PLPP3: variants seen among roughly 807,000 people sequenced by gnomAD.
PLPP3 encodes the protein phospholipid phosphatase 3.
A neutral mutation model predicts 29.6 loss-of-function variants in PLPP3; 6 were observed. The observed-to-expected ratio is 0.20, with a 90% CI of 0.11 to 0.40. The LOEUF is 0.40. Ranked by LOEUF, PLPP3 falls within the 10% of genes least tolerant of loss-of-function variation. The pLI, the probability that PLPP3 is intolerant of heterozygous loss-of-function variation, is 1.00. For missense variants in PLPP3, 308 were observed against 407.7 expected (o/e 0.76, Z 2.11); for synonymous variants, 152 against 159.7 (o/e 0.95, Z 0.36).
intron 2 of PLPP3, among the ~76,000 whole-genome samples, chr1:56,534,759 C>T (rs1645913623): frequency 6.6e-6 from 1 of 152,008 alleles, no homozygotes; most frequent in Non-Finnish European, 1.5e-5. Flanking sequence ...TTGCTTTTAC[C>T]TTTTTCTGTG....
chr1:56,538,257 G>GA lies in PLPP3; in HGVS notation c.140-1146dup, dbSNP rs151327593. On this transcript the variant is annotated intron_variant, in intron 1 of 5. Coordinates refer to ENST00000371250, the MANE Select transcript of PLPP3 (RefSeq NM_003713.5). ...TAAGCCTCCAAGAAACCAGTACACA[G>GA]AGACTGTGGATTCATGCTATTCTCT... Among the ~76,000 whole-genome samples the GA allele has an allele frequency of 2.6e-3, 393 of 152,290 alleles. 2 individuals carry two copies. Among genetic ancestry groups the GA allele is most frequent in the African/African-American group, 9.0e-3 (373 of 41,556 alleles).
At chr1:56,499,399 C>T (rs533527951) in intron 5 of PLPP3, among the ~76,000 whole-genome samples, 2 of 152,176 alleles carry the variant, frequency 1.3e-5, no homozygotes, top group African/African-American at 2.4e-5. Flanking sequence ...TGGGAGGCTT[C>T]TTGAAGATGG....
rs1238026781 is a variant in PLPP3 at position 56,523,836 on chromosome 1, A to G, written c.620T>C (p.Met207Thr). The change falls in exon 4 of 6, where the codon ATG becomes ACG. Residue 207 changes from methionine to threonine, a missense_variant. Met to Thr is a moderately conservative substitution (Grantham distance 81). Coordinates refer to ENST00000371250, the MANE Select transcript of PLPP3 (RefSeq NM_003713.5). ...GTGGGTACTTACCACCAAATACAGC[A>G]TAGTGTACATGGAGAAGGAGGCATG... is the stretch of plus-strand genomic sequence containing the variant. ...SGHASFSMYT[M>T]LYLVLYLQAR... 6.2e-7 allele frequency: 1 copy of G among 1,613,702 alleles called. No individual in the cohort carries two copies. Among genetic ancestry groups the G allele is most frequent in the African/African-American group, 1.3e-5 (1 of 74,910 alleles).
intron 2 of PLPP3, among the ~76,000 whole-genome samples, chr1:56,535,511 T>C (rs972016039): frequency 6.6e-6 from 1 of 152,190 alleles, no homozygotes; most frequent in African/African-American, 2.4e-5. Flanking sequence ...AGCACATGAC[T>C]GCTTCAAGAA....
chr1:56,518,393 C>G (rs1279594157), intron 4 of PLPP3, among the ~76,000 whole-genome samples: 1 of 152,024 alleles, frequency 6.6e-6, no homozygotes, highest in Admixed American at 6.6e-5. Context: ...CTCTGACACA[C>G]AAACAGTTCT....
intron 2 of PLPP3, among the ~76,000 whole-genome samples, chr1:56,533,882 T>C (rs1457557173): frequency 6.6e-6 from 1 of 151,942 alleles, no homozygotes; most frequent in Non-Finnish European, 1.5e-5. Flanking sequence ...GATGCCTAAG[T>C]TTGACTTTTT....
In PLPP3 at chr1:56,554,300, C is replaced by T. The variant is rs576162492; in HGVS notation, c.140-17188G>A. 5.3e-5 allele frequency among the ~76,000 whole-genome samples: 8 copies of T among 152,060 alleles called. No homozygotes were observed. In the East Asian group the frequency reaches 5.8e-4, roughly 11 times the overall value. ...AGAAATACAGTGCCATGGCCGGGCG[C>T]GGTGGCTGACGCCTGTAATCCCAGT... On this transcript the variant is annotated intron_variant, in intron 1 of 5. Transcript: ENST00000371250.
At chr1:56,541,853 G>A (rs1209218247) in intron 1 of PLPP3, among the ~76,000 whole-genome samples, 1 of 151,718 alleles carries the variant, frequency 6.6e-6, no homozygotes, top group Non-Finnish European at 1.5e-5. Context: ...AACTTTCACT[G>A]TGTATCACAC....
At chr1:56,507,148 C>T (rs747385052) in intron 5 of PLPP3, among the ~76,000 whole-genome samples, 7 of 152,204 alleles carry the variant, frequency 4.6e-5, no homozygotes, top group Non-Finnish European at 1.0e-4. Flanking sequence ...CTACCCTCAA[C>T]AGACCCAGGT....
chr1:56,567,672 C>CG (rs1646170829), intron 1 of PLPP3, among the ~76,000 whole-genome samples: 1 of 152,154 alleles, frequency 6.6e-6, no homozygotes, highest in Non-Finnish European at 1.5e-5. Context: ...GCTGGGATTA[C>CG]AGGCGTGAGC....
intron 5 of PLPP3, among the ~76,000 whole-genome samples, chr1:56,507,097 T>A (rs527776570): frequency 1.1e-3 from 163 of 152,324 alleles, no homozygotes; most frequent in African/African-American, 3.8e-3. Context: ...CCATTTGACA[T>A]GTGATTTTTG....
chr1:56,566,512 C>G (rs887161977), intron 1 of PLPP3, among the ~76,000 whole-genome samples: 1 of 152,160 alleles, frequency 6.6e-6, no homozygotes, highest in African/African-American at 2.4e-5. Context: ...AGGTACCTAG[C>G]TAGCACTCAA....
At chr1:56,571,509 TA>T (rs1646198417) in intron 1 of PLPP3, among the ~76,000 whole-genome samples, 1 of 152,132 alleles carries the variant, frequency 6.6e-6, no homozygotes, top group Non-Finnish European at 1.5e-5. Context: ...TAACTGACAT[TA>T]AAAAATGACC....
At chr1:56,557,864 G>A (rs960808320) in intron 1 of PLPP3, among the ~76,000 whole-genome samples, 10 of 152,106 alleles carry the variant, frequency 6.6e-5, no homozygotes, top group Non-Finnish European at 8.8e-5. Flanking sequence ...GCAAGTCCCC[G>A]GGGCGCTTTT....
At chr1:56,501,830 T>A (rs1047202177) in intron 5 of PLPP3, among the ~76,000 whole-genome samples, 1 of 152,190 alleles carries the variant, frequency 6.6e-6, no homozygotes, top group African/African-American at 2.4e-5. Context: ...TGAATGAACA[T>A]GTGAAATCTG....
intron 1 of PLPP3, among the ~76,000 whole-genome samples, chr1:56,551,614 C>A (rs1410511246): frequency 6.6e-6 from 1 of 152,202 alleles, no homozygotes. Flanking sequence ...GAAACAATCT[C>A]TCCTATCATA....
chr1:56,537,219 A>C, intron 1 of PLPP3, 107 bp from the exon 2 acceptor site: 44 of 1,211,554 alleles, frequency 3.6e-5, no homozygotes, highest in Non-Finnish European at 4.7e-5. Context: ...CCCAAATATC[A>C]CTGAGAGTGA....
rs1422822047 is a variant in PLPP3 at position 56,496,649 on chromosome 1, T to C, written c.838A>G (p.Thr280Ala). ...IVFFVSDLFKTKTTLSLPAPA... is the reference protein window; with the variant it reads ...IVFFVSDLFKAKTTLSLPAPA... ...GCAGGCAGGGAGAGCGTCGTCTTAG[T>C]CTTGAAGAGGTCAGACACGAAGAAA... The change falls in exon 6 of 6, where the codon ACT (threonine) becomes GCT (alanine). Residue 280 changes from threonine to alanine, a missense_variant. Around this residue, in one of 3 missense-constraint regions of PLPP3, gnomAD observed 232 missense variants for 317.2 expected, o/e 0.73. Transcript: ENST00000371250. 7 of 1,612,480 alleles carry C rather than the reference T, an allele frequency of 4.3e-6. No individual in the cohort carries two copies. In the African/African-American group the frequency reaches 5.4e-5, roughly 12 times the overall value.
chr1:56,506,852 G>A (rs578021086), intron 5 of PLPP3, among the ~76,000 whole-genome samples: 3 of 152,192 alleles, frequency 2.0e-5, no homozygotes, highest in East Asian at 1.9e-4. Context: ...TTCTGAGTAC[G>A]ATTGGGTCTG....
Sources: gnomAD v4.1 joint callset for allele counts (sites outside exome capture counted in the v4.1 genomes callset) on GRCh38, gnomAD v4.1.1 for gene constraint, gnomAD v4.1.1 regional missense constraint, MANE v1.5 for transcripts, NCBI Gene and HGNC (gene_info 2026-07-23, HGNC 2026-07-21) for gene names.